Variants in TNKS2 observed in about 807,000 individuals in gnomAD.
TNKS2 encodes tankyrase 2.
In TNKS2, 72 loss-of-function variants were observed where a neutral mutation model predicts 137.6. That is an observed-to-expected ratio of 0.52 (90% CI 0.43 to 0.64). The LOEUF is 0.64. Among genes scored for constraint, TNKS2 ranks in the 30% least tolerant of loss-of-function variants. The pLI is 0.00. For synonymous variants in TNKS2, 516 were observed against 512.1 expected (o/e 1.01, Z -0.10); for missense variants, 1,049 against 1,410.2 (o/e 0.74, Z 4.10).
chr10:91,813,783 TG>T (rs1156773653), intron 2 of TNKS2, among the ~76,000 whole-genome samples: 2 of 152,190 alleles, frequency 1.3e-5, no homozygotes, highest in East Asian at 3.9e-4. Flanking sequence ...TACATAAGGG[TG>T]GTCCATAAGA....
At chr10:91,831,455 T>C (rs1401720937) in intron 11 of TNKS2, among the ~76,000 whole-genome samples, 3 of 152,188 alleles carry the variant, frequency 2.0e-5, no homozygotes, top group African/African-American at 4.8e-5. Flanking sequence ...TTAAGGACTT[T>C]TCTGACCTAT....
chr10:91,821,798 G>A (rs918069969), intron 6 of TNKS2, among the ~76,000 whole-genome samples: 2 of 152,216 alleles, frequency 1.3e-5, no homozygotes, highest in African/African-American at 4.8e-5. Flanking sequence ...AACAGTATGT[G>A]TAGAGGCATA....
In TNKS2 at chr10:91,806,184, A is replaced by G. The variant is rs141796863; in HGVS notation, c.200-6799A>G. On this transcript the variant is annotated intron_variant, in intron 1 of 26. Coordinates refer to ENST00000371627, the MANE Select transcript of TNKS2 (RefSeq NM_025235.4). ...ACAAATTTATACAAAACATATTTCA[A>G]TGTAGTGCCTTCATTTCATTCTTGA... 9.0e-4 allele frequency among the ~76,000 whole-genome samples: 137 copies of G among 152,276 alleles called. 1 individual carries two copies. The highest frequency in any genetic ancestry group is 3.2e-3 in the African/African-American group (133 of 41,558).
chr10:91,799,612 T>C (rs937913565), intron 1 of TNKS2, among the ~76,000 whole-genome samples: 2 of 152,232 alleles, frequency 1.3e-5, no homozygotes, highest in African/African-American at 4.8e-5. Context: ...CATTCTGAAA[T>C]TTAGATCGTT....
intron 7 of TNKS2, 128 bp downstream of exon 7, chr10:91,822,490 A>AT: frequency 5.6e-6 from 4 of 712,056 alleles, no homozygotes; most frequent in Non-Finnish European, 6.9e-6. Flanking sequence ...AGTATTTATA[A>AT]GCATTATAAA....
chr10:91,833,669 T>C (rs1014789219), intron 11 of TNKS2, among the ~76,000 whole-genome samples, 184 bp from the exon 12 acceptor site: 17 of 152,324 alleles, frequency 1.1e-4, no homozygotes, highest in African/African-American at 4.1e-4. Flanking sequence ...TTCCTTCTGA[T>C]GGTAGCCTTC....
At chr10:91,819,359 T>A in intron 4 of TNKS2, 53 bp downstream of exon 4, 1 of 1,387,076 alleles carries the variant, frequency 7.2e-7, no homozygotes, top group Non-Finnish European at 9.6e-7. Flanking sequence ...ATTAACTTTT[T>A]CTTTTTTTTT....
rs1392374568 is a variant in TNKS2, at chr10:91,855,137, A to G, written c.2913+11A>G. ...TCTGTGGAGGAAGAGGTATGTTCAT[A>G]TAACTTCAATAGTAGGTTTGCCGTA... On this transcript the variant is annotated intron_variant, in intron 22 of 26. Transcript: ENST00000371627. 4 of 1,476,986 alleles carry G rather than the reference A, an allele frequency of 2.7e-6. No homozygotes were observed. Among genetic ancestry groups the G allele is most frequent in the Non-Finnish European group, 3.8e-6 (4 of 1,056,170 alleles). 91.5% of individuals were successfully genotyped at this position (1,476,986 alleles called of 1,614,324 possible). A position where few individuals can be genotyped will look rare whatever the true frequency, so the allele number is the denominator to read the frequency against.
intron 3 of TNKS2, among the ~76,000 whole-genome samples, chr10:91,818,889 A>G (rs1844796214): frequency 6.6e-6 from 1 of 152,210 alleles, no homozygotes; most frequent in Non-Finnish European, 1.5e-5. Context: ...TATAAAAATA[A>G]CATACTCATT....
chr10:91,847,268 G>A (rs980015532), intron 18 of TNKS2, among the ~76,000 whole-genome samples: 14 of 152,126 alleles, frequency 9.2e-5, no homozygotes, highest in African/African-American at 1.2e-4. Context: ...TTAGTTGAAC[G>A]TTGTGAAAGA....
chr10:91,811,505 A>G (rs909120639), intron 1 of TNKS2, among the ~76,000 whole-genome samples: 1 of 152,080 alleles, frequency 6.6e-6, no homozygotes, highest in African/African-American at 2.4e-5. Flanking sequence ...GAAATTTAAA[A>G]TCTTCATATC....
intron 16 of TNKS2, 83 bp from the exon 17 acceptor site, chr10:91,844,836 T>C: frequency 3.7e-6 from 3 of 819,494 alleles, no homozygotes; most frequent in Non-Finnish European, 5.8e-6. Context: ...AATGACTTTT[T>C]TATGTTAACA....
At chr10:91,856,190 G>A (rs1842699073) in intron 23 of TNKS2, among the ~76,000 whole-genome samples, 1 of 152,050 alleles carries the variant, frequency 6.6e-6, no homozygotes, top group Non-Finnish European at 1.5e-5. Flanking sequence ...AGTGACTGCT[G>A]TCTTACTGAT....
At chr10:91,803,980 C>G (rs79149002) in intron 1 of TNKS2, among the ~76,000 whole-genome samples, 4 of 152,160 alleles carry the variant, frequency 2.6e-5, no homozygotes, top group Non-Finnish European at 4.4e-5. Context: ...TCTGTAGGAA[C>G]TTGACTGCCT....
chr10:91,801,048 T>C (rs1844149205), intron 1 of TNKS2, among the ~76,000 whole-genome samples: 1 of 152,200 alleles, frequency 6.6e-6, no homozygotes, highest in Non-Finnish European at 1.5e-5. Flanking sequence ...GGGGACATCA[T>C]TATTTTAAAA....
In TNKS2 at chr10:91,816,562, AATT is replaced by A. The variant is rs571133042; in HGVS notation, c.425-568_425-566del. Among the ~76,000 whole-genome samples, 320 of 152,346 alleles carry A rather than the reference AATT, an allele frequency of 2.1e-3. 2 individuals are homozygous for A. The highest frequency in any genetic ancestry group is 7.5e-3 in the African/African-American group (310 of 41,586). ...GGACAAATACAAGCAGGCTCCTGTTAATTATTCAGCTTTCCTGAAGAATAGAAA... is the reference window on the plus strand; with the variant it reads ...GGACAAATACAAGCAGGCTCCTGTTAATTCAGCTTTCCTGAAGAATAGAAA... On this transcript the variant is annotated intron_variant, in intron 2 of 26. Coordinates refer to ENST00000371627, the MANE Select transcript of TNKS2 (RefSeq NM_025235.4).
At chr10:91,850,655 G>GT (rs1303842058) in intron 20 of TNKS2, among the ~76,000 whole-genome samples, 2 of 152,138 alleles carry the variant, frequency 1.3e-5, no homozygotes, top group Non-Finnish European at 2.9e-5. Context: ...GGAGGCAGAG[G>GT]TTGCAGTGAG....
Position 91,819,250 on chromosome 10 carries a change from T to TTC in TNKS2, c.521-19_521-18insCT. On this transcript the variant is annotated intron_variant, in intron 3 of 26. Coordinates refer to ENST00000371627, the MANE Select transcript of TNKS2 (RefSeq NM_025235.4). ...TTTTTCTTTTTAATTTCTATACTTT[T>TTC]TTTTTTTTCTAATTCACAGGTGAAT... is the stretch of plus-strand genomic sequence containing the variant. The TTC allele has an allele frequency of 7.2e-7, 1 of 1,381,656 alleles. No homozygotes were observed. The highest frequency in any genetic ancestry group is 9.7e-7 in the Non-Finnish European group (1 of 1,034,208). 85.6% of individuals were successfully genotyped at this position (1,381,656 alleles called of 1,614,324 possible).
intron 21 of TNKS2, among the ~76,000 whole-genome samples, chr10:91,851,571 G>A (rs978294327): frequency 6.6e-6 from 1 of 152,150 alleles, no homozygotes; most frequent in Admixed American, 6.5e-5. Flanking sequence ...AGAAATTTGG[G>A]AATTGTTTTA....
Sources: allele counts gnomAD v4.1 joint callset (sites outside exome capture counted in the v4.1 genomes callset), GRCh38; gene constraint gnomAD v4.1.1; transcripts MANE v1.5; gene names NCBI Gene and HGNC (gene_info 2026-07-23, HGNC 2026-07-21).